PLEC: variants seen among roughly 807,000 people sequenced by gnomAD.
PLEC encodes plectin.
Under a neutral mutation model 392.8 loss-of-function variants are expected in PLEC, and 216 were observed. That is an observed-to-expected ratio of 0.55 (90% CI 0.49 to 0.62). PLEC has a LOEUF of 0.62. PLEC is among the 20% of genes least tolerant of loss of function. PLEC has a pLI of 0.00. For synonymous variants in PLEC, 3,621 were observed against 2,980.6 expected, an observed-to-expected ratio of 1.21 and a Z score of -7.00; for missense variants, 6,863 against 6,563.4, an observed-to-expected ratio of 1.05 and a Z score of -1.58.
In PLEC at chr8:143,934,337, G is replaced by A. The variant is rs1329419730; in HGVS notation, c.1150C>T (p.Leu384Phe). The A allele has an allele frequency of 1.2e-6, 2 of 1,612,332 alleles. No individual in the cohort carries two copies. Among genetic ancestry groups the A allele is most frequent in the Non-Finnish European group, 1.7e-6 (2 of 1,179,942 alleles). ...HVAILEREKQ[L>F]RSEFERLECL... ...ACCCACCTCTCAAACTCGCTGCGGA[G>A]CTGCTTCTCCCGCTCCAGGATGGCC... Residue 384 changes from leucine (L) to phenylalanine (F), a missense_variant, in exon 11 of 32, where the codon CTC becomes TTC. By Grantham distance (22) the Leu-to-Phe change is conservative. Coordinates refer to ENST00000345136, the MANE Select transcript of PLEC (RefSeq NM_201384.3).
chr8:143,929,402 G>A lies in PLEC; in HGVS notation c.3081+12C>T, dbSNP rs572327775. 26 of 1,559,866 alleles carry A rather than the reference G, an allele frequency of 1.7e-5. No homozygotes were observed. The highest frequency in any genetic ancestry group is 1.8e-4 in the Middle Eastern group (1 of 5,714). ...AGAGGGATGGGACTGGATGGGGGGG[G>A]ACGGCCCCTGCCTGCTGCTCGGCGA... On this transcript the variant is annotated intron_variant, in intron 24 of 31. Coordinates refer to ENST00000345136, the MANE Select transcript of PLEC (RefSeq NM_201384.3).
chr8:143,942,579 G>C, upstream of PLEC: 1 of 1,478,298 alleles, frequency 6.8e-7, no homozygotes, highest in Non-Finnish European at 8.9e-7. Flanking sequence ...CCGCGGCGGC[G>C]CCTCTGCTTC....
rs1831997998 is a variant in PLEC, at chr8:143,950,298, G to A, written c.409C>T (p.Gln137Ter). ...AGCTCCTTCCGACGGTAGACCCGCTGCTCCTCCGTCGGCAGCGGCCCCCGC... is the reference window on the plus strand; with the variant it reads ...AGCTCCTTCCGACGGTAGACCCGCTACTCCTCCGTCGGCAGCGGCCCCCGC... The change falls in exon 1 of 32, where the codon CAG (glutamine) becomes TAG (stop). Residue 137 changes from glutamine (Q) to a stop codon, truncating the protein, a stop_gained. Coordinates refer to the PLEC transcript ENST00000322810. LOFTEE classifies it high-confidence loss of function. 2 of 1,571,154 alleles carry A rather than the reference G, an allele frequency of 1.3e-6. No individual in the cohort carries two copies. The highest frequency in any genetic ancestry group is 1.2e-5 in the South Asian group (1 of 86,056).
intron 1 of PLEC, among the ~76,000 whole-genome samples, chr8:143,961,357 C>T (rs947196938): frequency 6.6e-6 from 1 of 152,092 alleles, no homozygotes; most frequent in African/African-American, 2.4e-5. Flanking sequence ...TCCTGCGTAG[C>T]GGGGATTACA....
chr8:143,927,056 T>A lies in PLEC; in HGVS notation c.3866A>T (p.Tyr1289Phe), dbSNP rs782550405. The A allele has an allele frequency of 2.6e-5, 42 of 1,611,784 alleles. No individual in the cohort carries two copies. The highest frequency in any genetic ancestry group is 2.9e-5 in the Non-Finnish European group (34 of 1,179,986). The change falls in exon 29 of 32, where the codon TAC becomes TTC. Residue 1289 changes from tyrosine to phenylalanine, a missense_variant. By Grantham distance (22) the Tyr-to-Phe change is conservative (BLOSUM62 3). Coordinates refer to ENST00000345136, the MANE Select transcript of PLEC (RefSeq NM_201384.3). Reference sequence around the variant, plus strand: ...GGCCACCGGCTCAAGCTGCGCCTTGTACGTCACCAGCTGGAGTTCATAGTC... The same window carrying A: ...GGCCACCGGCTCAAGCTGCGCCTTGAACGTCACCAGCTGGAGTTCATAGTC... The part of the protein sequence containing the change: ...IKDYELQLVT[Y>F]KAQLEPVASP...
rs1554715555 is a variant in PLEC at position 143,931,632 on chromosome 8, C to T, written c.2206G>A (p.Gly736Arg). 1.2e-6 allele frequency: 2 copies of T among 1,600,456 alleles called. No homozygotes were observed. Among genetic ancestry groups the T allele is most frequent in the African/African-American group, 1.3e-5 (1 of 74,874 alleles). ...QFFSDVREAE[G>R]QLQKLQEALR... The stretch of plus-strand genomic sequence containing the variant: ...GCCTCCTGCAGCTTCTGCAACTGCC[C>T]CTCGGCCTCCCGCACATCTGAGAAG... The change falls in exon 19 of 32, where the codon GGG becomes AGG. Residue 736 changes from glycine (G) to arginine (R), a missense_variant. Physicochemically the swap from Gly to Arg is moderately radical, Grantham distance 125 (BLOSUM62 -2). Coordinates refer to ENST00000345136, the MANE Select transcript of PLEC (RefSeq NM_201384.3).
Position 143,925,129 on chromosome 8 carries a change from G to A in PLEC, c.4800C>T (p.His1600=), listed in dbSNP as rs149044728. 3.7e-5 allele frequency: 58 copies of A among 1,558,776 alleles called. No individual in the cohort carries two copies. The African/African-American group carries it at 4.2e-4, about 11-fold the overall frequency. The change falls in exon 31 of 32, where the codon CAC becomes CAT. Residue 1600 remains histidine, a synonymous_variant. Coordinates refer to ENST00000345136, the MANE Select transcript of PLEC (RefSeq NM_201384.3). The part of the protein sequence containing the change: ...AQLERSLQEE[H]VAVAQLREEA... ...CCTCCCGCAGCTGTGCCACAGCCACGTGTTCCTCCTGCAGGGAGCGCTCCA... is the reference window on the plus strand; with the variant it reads ...CCTCCCGCAGCTGTGCCACAGCCACATGTTCCTCCTGCAGGGAGCGCTCCA...
upstream of PLEC, chr8:143,943,893 C>A: frequency 1.2e-6 from 2 of 1,610,846 alleles, no homozygotes; most frequent in Non-Finnish European, 1.7e-6. Flanking sequence ...GGCTCCATAG[C>A]CGCCACGCGG....
Position 143,923,996 on chromosome 8 carries a change from TCCG to T in PLEC, c.5930_5932del (p.Ala1977del), listed in dbSNP as rs1823936281. 1 of 1,585,428 alleles carries T rather than the reference TCCG, an allele frequency of 6.3e-7. No individual in the cohort carries two copies. Among genetic ancestry groups the T allele is most frequent in the Non-Finnish European group, 8.5e-7 (1 of 1,171,634 alleles). On this transcript the variant is annotated inframe_deletion, in exon 31 of 32. Coordinates refer to ENST00000345136, the MANE Select transcript of PLEC (RefSeq NM_201384.3). ...AGCCTCACGGCGCCGCCGCTCCTCC[TCCG>T]CCGCCAGCTGCCGCTGCCTCGCAGC... is the stretch of plus-strand genomic sequence containing the variant.
In PLEC at chr8:143,922,824, C is replaced by A; in HGVS notation, c.7105G>T (p.Glu2369Ter). Residue 2369 changes from glutamate (E) to a stop codon, truncating the protein, a stop_gained, in exon 31 of 32, where the codon GAG becomes TAG. Transcript: ENST00000345136. LOFTEE classifies it high-confidence loss of function. Reference protein sequence around the residue: ...EETQGFQRTLEAERQRQLEMS... With the variant: ...EETQGFQRTL ...TCCAGCTGCCGCTGCCGCTCGGCCTCCAGCGTCCGCTGGAAGCCCTGCGTC... is the reference window on the plus strand; with the variant it reads ...TCCAGCTGCCGCTGCCGCTCGGCCTACAGCGTCCGCTGGAAGCCCTGCGTC... The A allele has an allele frequency of 6.3e-7, 1 of 1,584,674 alleles. No individual in the cohort carries two copies. Among genetic ancestry groups the A allele is most frequent in the Non-Finnish European group, 8.6e-7 (1 of 1,167,958 alleles).
upstream of PLEC, among the ~76,000 whole-genome samples, chr8:143,939,768 G>A (rs1002821883): frequency 3.9e-5 from 6 of 152,172 alleles, no homozygotes; most frequent in African/African-American, 1.4e-4. Flanking sequence ...GGAAACCGGG[G>A]TTTCCTCACC....
chr8:143,934,989 GCCC>G lies in PLEC; in HGVS notation c.825+19_825+21del, dbSNP rs1828605225. 6.2e-7 allele frequency: 1 copy of G among 1,611,436 alleles called. No individual in the cohort carries two copies. The highest frequency in any genetic ancestry group is 1.1e-5 in the South Asian group (1 of 91,054). On this transcript the variant is annotated intron_variant, in intron 8 of 31. Transcript: ENST00000345136. ...CGGGGCGTCCAGGCCCAAGCCCCCT[GCCC>G]TCCGGGCCCCCCACTCACGTTGGCC...
Position 143,927,062 on chromosome 8 carries a change from AC to A in PLEC, c.3859del (p.Val1287Ter). On this transcript the variant is annotated frameshift_variant, in exon 29 of 32. Coordinates refer to ENST00000345136, the MANE Select transcript of PLEC (RefSeq NM_201384.3). LOFTEE classifies it high-confidence loss of function. ...NAIKDYELQLVTYKAQLEPVA... is the reference protein window; with the variant it reads ...NAIKDYELQLXTYKAQLEPVA... ...CGGCTCAAGCTGCGCCTTGTACGTC[AC>A]CAGCTGGAGTTCATAGTCCTGTGGC... is the stretch of plus-strand genomic sequence containing the variant. 1 of 1,611,384 alleles carries A rather than the reference AC, an allele frequency of 6.2e-7. No homozygotes were observed.
chr8:143,936,055 A>C (rs1230243861), intron 5 of PLEC, 41 bp from the exon 6 acceptor site: 1 of 1,604,902 alleles, frequency 6.2e-7, no homozygotes, highest in African/African-American at 1.3e-5. Context: ...AGCCACAGCC[A>C]CCAGGCCTGC....
chr8:143,925,158 G>A lies in PLEC; in HGVS notation c.4771C>T (p.Gln1591Ter), dbSNP rs782016001. The A allele has an allele frequency of 1.3e-6, 2 of 1,559,600 alleles. No homozygotes were observed. The highest frequency in any genetic ancestry group is 1.8e-5 in the Admixed American group (1 of 54,868). ...KRASFAEKTA[Q>*]LERSLQEEHV... Reference sequence around the variant, plus strand: ...TCCTCCTGCAGGGAGCGCTCCAGCTGTGCCGTCTTCTCGGCGAAGGAGGCG... The same window carrying A: ...TCCTCCTGCAGGGAGCGCTCCAGCTATGCCGTCTTCTCGGCGAAGGAGGCG... The change falls in exon 31 of 32, where the codon CAG becomes TAG. Residue 1591 changes from glutamine (Q) to a stop codon, truncating the protein, a stop_gained. Transcript: ENST00000345136. LOFTEE classifies it high-confidence loss of function.
chr8:143,939,318 C>T, intron 1 of PLEC, 32 bp downstream of exon 1: 2 of 1,597,146 alleles, frequency 1.3e-6, no homozygotes, highest in East Asian at 2.3e-5. Context: ...CCCGCCCTGC[C>T]TGGCGGGGGT....
In PLEC at chr8:143,918,237, T is replaced by C. The variant is rs1240592478; in HGVS notation, c.11584A>G (p.Arg3862Gly). 1.3e-6 allele frequency: 2 copies of C among 1,586,176 alleles called. No homozygotes were observed. Among genetic ancestry groups the C allele is most frequent in the Admixed American group, 1.7e-5 (1 of 58,904 alleles). ...GTGCCGTCGTCACGACGGCACCGCC[T>C]GAGCAGCTGCGTGTAGCTGAGGCGC... The part of the protein sequence containing the change: ...DERLSYTQLL[R>G]RCRRDDGTGQ... The change falls in exon 32 of 32, where the codon AGG becomes GGG. Residue 3862 changes from arginine to glycine, a missense_variant. By Grantham distance (125) the Arg-to-Gly change is moderately radical (BLOSUM62 -2). Coordinates refer to ENST00000345136, the MANE Select transcript of PLEC (RefSeq NM_201384.3).
At position 143,929,197 on chromosome 8, in the gene PLEC, G is replaced by T. The variant is rs781916061; in HGVS notation, c.3166C>A (p.Pro1056Thr). 2.5e-6 allele frequency: 4 copies of T among 1,601,796 alleles called. No individual in the cohort carries two copies. In the East Asian group the frequency reaches 6.7e-5, roughly 27 times the overall value. ...EAEKVLALPE[P>T]SPAAPTLRSE... ...CGCAGCGTGGGGGCCGCAGGCGATGGCTCTGGTAGGGCCAAGACCTTCTCG... is the reference window on the plus strand; with the variant it reads ...CGCAGCGTGGGGGCCGCAGGCGATGTCTCTGGTAGGGCCAAGACCTTCTCG... Residue 1056 changes from proline (P) to threonine (T), a missense_variant, in exon 25 of 32, where the codon CCA becomes ACA. Coordinates refer to ENST00000345136, the MANE Select transcript of PLEC (RefSeq NM_201384.3).
In PLEC at chr8:143,934,404, G is replaced by A. The variant is rs1554720761; in HGVS notation, c.1083C>T (p.Tyr361=). The change falls in exon 11 of 32, where the codon TAC becomes TAT. Residue 361 remains tyrosine, a synonymous_variant. Coordinates refer to ENST00000345136, the MANE Select transcript of PLEC (RefSeq NM_201384.3). ...ACTCCTTCTCCACATCCAGCGGGTG[G>A]TAGCCAGGGGGCACCTTGAGCTGGC... ...QAGQLKVPPG[Y]HPLDVEKEWG... is the part of the protein sequence containing the mutation. 1.2e-6 allele frequency: 2 copies of A among 1,612,144 alleles called. No individual in the cohort carries two copies. The highest frequency in any genetic ancestry group is 3.3e-5 in the Admixed American group (2 of 59,992).
Sources: gnomAD v4.1 joint callset for allele counts (sites outside exome capture counted in the v4.1 genomes callset) on GRCh38, gnomAD v4.1.1 for gene constraint, MANE v1.5 for transcripts, NCBI Gene and HGNC (gene_info 2026-07-23, HGNC 2026-07-21) for gene names.